The following SUGCT variants were observed in gnomAD, a reference collection of about 807,000 sequenced individuals.
SUGCT encodes the protein succinyl-CoA:glutarate-CoA transferase.
SUGCT carries 41 observed loss-of-function variants against 55.0 expected under a neutral mutation model. The ratio of observed to expected loss-of-function variants is 0.74; its 90% CI spans 0.58 to 0.97. The LOEUF is 0.97. Among genes scored for constraint, SUGCT ranks in the 50% least tolerant of loss-of-function variants. The probability of loss-of-function intolerance (pLI) is 0.00; values close to 1 mark genes in which losing one functional copy is unlikely to be tolerated. For synonymous variants in SUGCT, 187 were observed against 200.4 expected (o/e 0.93, Z 0.56); for missense variants, 568 against 547.8 (o/e 1.04, Z -0.37).
intron 12 of SUGCT, among the ~76,000 whole-genome samples, chr7:40,746,245 C>T (rs998290906): frequency 9.2e-5 from 14 of 152,154 alleles, no homozygotes; most frequent in Admixed American, 2.0e-4. Context: ...GAGCAGGATT[C>T]GCCCCACAAA....
At chr7:40,726,134 T>C (rs1786599899) in intron 12 of SUGCT, among the ~76,000 whole-genome samples, 1 of 152,128 alleles carries the variant, frequency 6.6e-6, no homozygotes, top group African/African-American at 2.4e-5. Context: ...GGGATTAGGT[T>C]CCTACGCAGG....
At chr7:40,973,192 C>G in the SUGCT span, among the ~76,000 whole-genome samples, 9 of 152,286 alleles carry the variant, frequency 5.9e-5, no homozygotes, top group East Asian at 1.7e-3. Context: ...ACCCATGAGG[C>G]CTAAGCCCCT....
intron 12 of SUGCT, among the ~76,000 whole-genome samples, chr7:40,722,391 T>C (rs2128686384): frequency 6.6e-6 from 1 of 152,322 alleles, no homozygotes; most frequent in East Asian, 1.9e-4. Context: ...CAAGTGAAAA[T>C]AGACCTTGGT....
In SUGCT at chr7:40,177,173, T is replaced by C. The variant is rs371707100; in HGVS notation, c.101-3774T>C. On this transcript the variant is annotated intron_variant, in intron 1 of 13. Transcript: ENST00000335693. ...ACCTACAACCCACAACCTAATTTAGTAGGTAAGCAAACTGAAAACCTAACT... is the reference window on the plus strand; with the variant it reads ...ACCTACAACCCACAACCTAATTTAGCAGGTAAGCAAACTGAAAACCTAACT... Among the ~76,000 whole-genome samples the C allele has an allele frequency of 4.0e-4, 61 of 152,228 alleles. 1 individual carries two copies. In the South Asian group the frequency reaches 0.012, roughly 31 times the overall value.
the SUGCT span, among the ~76,000 whole-genome samples, chr7:40,910,711 AT>A: frequency 0.014 from 2,201 of 152,214 alleles, 52 homozygotes; most frequent in African/African-American, 0.05. Context: ...GCTAATAATA[AT>A]GGTAACCCCA....
chr7:40,480,485 T>A (rs1428027428), intron 11 of SUGCT, among the ~76,000 whole-genome samples: 1 of 152,186 alleles, frequency 6.6e-6, no homozygotes, highest in East Asian at 1.9e-4. Context: ...TGCTCAAGAT[T>A]GCTTTGGCTA....
intron 13 of SUGCT, among the ~76,000 whole-genome samples, chr7:40,839,961 C>A (rs975930140): frequency 6.6e-6 from 1 of 151,794 alleles, no homozygotes; most frequent in African/African-American, 2.4e-5. Flanking sequence ...CATCCCAAAT[C>A]TGTTTTCAAA....
At chr7:40,363,414 A>G (rs1184501143) in intron 9 of SUGCT, among the ~76,000 whole-genome samples, 2 of 151,944 alleles carry the variant, frequency 1.3e-5, no homozygotes, top group South Asian at 2.1e-4. Context: ...TACGGTGTCA[A>G]TTTTGGATCT....
At chr7:41,026,243 A>G in the SUGCT span, among the ~76,000 whole-genome samples, 1 of 152,192 alleles carries the variant, frequency 6.6e-6, no homozygotes, top group African/African-American at 2.4e-5. Context: ...ACTCCTGGCA[A>G]CCACCGAATG....
In SUGCT at chr7:40,786,386, T is replaced by C. The variant is rs1790015076; in HGVS notation, c.1153+36889T>C. The stretch of plus-strand genomic sequence containing the variant: ...GTGTCATATATTCAATGTAACACTT[T>C]TGATTAGCAGGAATTACTTATTATC... On this transcript the variant is annotated intron_variant, in intron 13 of 13. Transcript: ENST00000335693. 5.3e-5 allele frequency among the ~76,000 whole-genome samples: 8 copies of C among 152,210 alleles called. No homozygotes were observed. The South Asian group carries it at 1.7e-3, about 32-fold the overall frequency.
chr7:40,297,810 A>G (rs961095673), intron 8 of SUGCT, among the ~76,000 whole-genome samples: 3 of 152,134 alleles, frequency 2.0e-5, no homozygotes, highest in Admixed American at 6.5e-5. Flanking sequence ...ATTCTCAAGC[A>G]TGTCCTATAT....
intron 7 of SUGCT, among the ~76,000 whole-genome samples, chr7:40,268,400 A>C (rs1305995077): frequency 6.6e-6 from 1 of 152,204 alleles, no homozygotes; most frequent in Non-Finnish European, 1.5e-5. Context: ...TATTTGTTAA[A>C]GTGCTTCCAT....
the SUGCT span, among the ~76,000 whole-genome samples, chr7:40,939,867 A>G: frequency 6.7e-6 from 1 of 148,356 alleles, no homozygotes; most frequent in South Asian, 2.2e-4. Flanking sequence ...TTTGCTGTGG[A>G]GAAGCTTTTT....
chr7:40,280,274 T>A (rs1792866033), intron 8 of SUGCT, among the ~76,000 whole-genome samples: 3 of 152,328 alleles, frequency 2.0e-5, no homozygotes, highest in East Asian at 3.9e-4. Context: ...TCTTTTGATT[T>A]TTTTGTCTGA....
intron 9 of SUGCT, among the ~76,000 whole-genome samples, chr7:40,408,847 TTA>T (rs1287414205): frequency 6.6e-6 from 1 of 152,202 alleles, no homozygotes; most frequent in Non-Finnish European, 1.5e-5. Flanking sequence ...CTTTAACCAT[TTA>T]TGTTAATAAT....
intron 13 of SUGCT, among the ~76,000 whole-genome samples, chr7:40,776,678 G>C (rs915463995): frequency 3.3e-5 from 5 of 152,084 alleles, no homozygotes; most frequent in Non-Finnish European, 7.4e-5. Context: ...TTGTGCTCTA[G>C]GCTCACAAAT....
chr7:40,553,759 C>A (rs916760110), intron 12 of SUGCT, among the ~76,000 whole-genome samples: 1 of 152,166 alleles, frequency 6.6e-6, no homozygotes, highest in East Asian at 1.9e-4. Context: ...TTCAAATGTT[C>A]TGTTTTCTTT....
intron 13 of SUGCT, among the ~76,000 whole-genome samples, chr7:40,768,208 T>C (rs1788902460): frequency 6.6e-6 from 1 of 152,104 alleles, no homozygotes; most frequent in African/African-American, 2.4e-5. Context: ...TAAGATTCCA[T>C]AGTCAGGGGC....
chr7:40,768,603 C>A (rs544267891), intron 13 of SUGCT, among the ~76,000 whole-genome samples: 6 of 152,146 alleles, frequency 3.9e-5, no homozygotes, highest in African/African-American at 1.2e-4. Context: ...CAATAGCAAA[C>A]GTTGCTTCAT....
Sources: gnomAD v4.1 joint callset for allele counts (sites outside exome capture counted in the v4.1 genomes callset) on GRCh38, gnomAD v4.1.1 for gene constraint, MANE v1.5 for transcripts, NCBI Gene and HGNC (gene_info 2026-07-23, HGNC 2026-07-21) for gene names.